G3BP1: variants seen among roughly 807,000 people sequenced by gnomAD.
The protein encoded by G3BP1 is G3BP stress granule assembly factor 1.
In G3BP1, 35 loss-of-function variants were observed where a neutral mutation model predicts 58.6. The ratio of observed to expected loss-of-function variants is 0.60; its 90% CI spans 0.46 to 0.79. The LOEUF is 0.79. Among genes scored for constraint, G3BP1 ranks in the 30% least tolerant of loss-of-function variants. The pLI, the probability that G3BP1 is intolerant of heterozygous loss-of-function variation, is 0.00. For synonymous variants in G3BP1, 191 were observed against 195.4 expected (o/e 0.98, Z 0.19); for missense variants, 523 against 580.8 (o/e 0.90, Z 1.02).
Position 151,804,101 on chromosome 5 carries a change from G to GATCTTCATGC in G3BP1, c.*12_*21dup. 6.4e-7 allele frequency: 1 copy of GATCTTCATGC among 1,568,834 alleles called. No individual in the cohort carries two copies. ...TGCGCCACGGCAGTGAATCTTCATG[G>GATCTTCATGC]ATCTTCATGCAGCCATACAAACCCT... On this transcript the variant is annotated 3_prime_UTR_variant, in exon 12 of 12. Coordinates refer to ENST00000356245, the MANE Select transcript of G3BP1 (RefSeq NM_005754.3).
intron 11 of G3BP1, among the ~76,000 whole-genome samples, chr5:151,802,015 C>G (rs994137667): frequency 1.3e-5 from 2 of 152,116 alleles, no homozygotes; most frequent in Admixed American, 6.5e-5. Context: ...TGGGGCTTCC[C>G]CATGTTAACC....
At chr5:151,797,466 T>A in intron 7 of G3BP1, 38 bp downstream of exon 7, 1 of 1,556,492 alleles carries the variant, frequency 6.4e-7, no homozygotes. Flanking sequence ...TATTCCTAGT[T>A]ATTTTTTTTA....
rs1422157510 is a variant in G3BP1 at position 151,790,898 on chromosome 5, A to G, written c.187A>G (p.Arg63Gly). The stretch of plus-strand genomic sequence containing the variant: ...TTATTATTTTTTTAAGGAAATCCAC[A>G]GGAAAGTGATGTCACAAAACTTCAC... The part of the protein sequence containing the change: ...DAVYGQKEIH[R>G]KVMSQNFTNC... The change falls in exon 4 of 12, where the codon AGG becomes GGG. Residue 63 changes from arginine to glycine, a missense_variant. By Grantham distance (125) the Arg-to-Gly change is moderately radical (BLOSUM62 -2). This residue lies in a region of G3BP1 where 398 missense variants were observed against 399.1 expected (regional missense o/e 1.00). Transcript: ENST00000356245. The G allele has an allele frequency of 6.3e-7, 1 of 1,576,106 alleles. No homozygotes were observed. Among genetic ancestry groups the G allele is most frequent in the Non-Finnish European group, 8.7e-7 (1 of 1,150,058 alleles).
At chr5:151,778,607 A>C (rs926388774) in intron 1 of G3BP1, among the ~76,000 whole-genome samples, 1 of 151,856 alleles carries the variant, frequency 6.6e-6, no homozygotes, top group Non-Finnish European at 1.5e-5. Flanking sequence ...ACACCCGGCT[A>C]ATTTTTGTAT....
intron 1 of G3BP1, among the ~76,000 whole-genome samples, chr5:151,776,578 A>T (rs1446757915): frequency 6.6e-6 from 1 of 151,162 alleles, no homozygotes; most frequent in Non-Finnish European, 1.5e-5. Context: ...GATTTTTTTT[A>T]TTTTCCTCAT....
intron 1 of G3BP1, among the ~76,000 whole-genome samples, chr5:151,777,129 C>T (rs573312870): frequency 6.6e-6 from 1 of 152,106 alleles, no homozygotes; most frequent in East Asian, 1.9e-4. Context: ...GACAGTAGGC[C>T]CAGTGATGTT....
chr5:151,797,409 C>T lies in G3BP1; in HGVS notation c.722C>T (p.Thr241Ile). Residue 241 changes from threonine (T) to isoleucine (I), a missense_variant, in exon 7 of 12, where the codon ACA (threonine) becomes ATA (isoleucine). By Grantham distance (89) the Thr-to-Ile change is moderately conservative. Transcript: ENST00000356245. Reference protein sequence around the residue: ...SSPAPADIAQTVQEDLRTFSW... With the variant: ...SSPAPADIAQIVQEDLRTFSW... Reference sequence around the variant, plus strand: ...CCAGCACCTGCAGACATAGCTCAGACAGTACAGGAAGACTTGAGGGTATGA... The same window carrying T: ...CCAGCACCTGCAGACATAGCTCAGATAGTACAGGAAGACTTGAGGGTATGA... 1 of 1,611,014 alleles carries T rather than the reference C, an allele frequency of 6.2e-7. No homozygotes were observed. The highest frequency in any genetic ancestry group is 1.7e-4 in the Middle Eastern group (1 of 6,042).
chr5:151,776,437 A>G (rs1388733452), intron 1 of G3BP1, among the ~76,000 whole-genome samples: 1 of 152,194 alleles, frequency 6.6e-6, no homozygotes, highest in African/African-American at 2.4e-5. Context: ...GAATTTGTGG[A>G]AGTATATTAA....
chr5:151,795,169 G>C (rs542943539), intron 5 of G3BP1, among the ~76,000 whole-genome samples: 1 of 152,140 alleles, frequency 6.6e-6, no homozygotes, highest in South Asian at 2.1e-4. Flanking sequence ...CTAGCTATTC[G>C]GGAGACTGAG....
intron 1 of G3BP1, among the ~76,000 whole-genome samples, chr5:151,774,723 A>C (rs192448836): frequency 4.9e-4 from 74 of 151,840 alleles, no homozygotes; most frequent in African/African-American, 1.7e-3. Flanking sequence ...GGTCAAAAAA[A>C]AAAAGGAAAG....
chr5:151,782,635 G>A (rs1762486405), intron 1 of G3BP1, among the ~76,000 whole-genome samples: 1 of 152,090 alleles, frequency 6.6e-6, no homozygotes, highest in Non-Finnish European at 1.5e-5. Flanking sequence ...AAAGGACTTA[G>A]TGTGCTGAGA....
At chr5:151,801,957 G>A (rs1169279407) in intron 11 of G3BP1, among the ~76,000 whole-genome samples, 1 of 151,956 alleles carries the variant, frequency 6.6e-6, no homozygotes, top group Admixed American at 6.6e-5. Context: ...TGGGATTACA[G>A]GCACCCGCCA....
chr5:151,793,192 T>TCCACCTC (rs750380326), intron 4 of G3BP1, among the ~76,000 whole-genome samples: 7 of 152,150 alleles, frequency 4.6e-5, no homozygotes, highest in Non-Finnish European at 7.4e-5. Flanking sequence ...TACTGCACCC[T>TCCACCTC]CCACCTCCCG....
At chr5:151,773,751 C>T (rs142516177) in intron 1 of G3BP1, among the ~76,000 whole-genome samples, 1 of 152,202 alleles carries the variant, frequency 6.6e-6, no homozygotes, top group Non-Finnish European at 1.5e-5. Context: ...GTTACTTGCC[C>T]TTACAGACTG....
At position 151,806,737 on chromosome 5, in the gene G3BP1, A is replaced by G. The variant is rs542856499; in HGVS notation, c.*2646A>G. 5.3e-5 allele frequency: 8 copies of G among 152,324 alleles called. No individual in the cohort carries two copies. Among genetic ancestry groups the G allele is most frequent in the African/African-American group, 1.9e-4 (8 of 41,578 alleles). 9.4% of individuals were successfully genotyped at this position (152,324 alleles called of 1,614,324 possible). ...AAAATGAAAATTTTCATCCGTAGGA[A>G]TGGCCCAATGTATAGTTATTAGCTA... is the stretch of plus-strand genomic sequence containing the variant. On this transcript the variant is annotated 3_prime_UTR_variant, in exon 12 of 12. Coordinates refer to ENST00000356245, the MANE Select transcript of G3BP1 (RefSeq NM_005754.3).
intron 1 of G3BP1, among the ~76,000 whole-genome samples, chr5:151,774,860 A>G (rs767923610): frequency 1.3e-5 from 2 of 152,130 alleles, no homozygotes; most frequent in Non-Finnish European, 2.9e-5. Flanking sequence ...ATTATCTTAC[A>G]TGTAGTTGGT....
chr5:151,791,145 C>T, intron 4 of G3BP1, 83 bp downstream of exon 4: 1 of 1,180,698 alleles, frequency 8.5e-7, no homozygotes, highest in Non-Finnish European at 1.3e-6. Flanking sequence ...TTTAAAAACA[C>T]TTGAAATTTC....
intron 10 of G3BP1, 24 bp from the exon 11 acceptor site, chr5:151,800,736 T>C (rs1375680532): frequency 2.2e-6 from 3 of 1,348,800 alleles, no homozygotes; most frequent in South Asian, 1.2e-5. Flanking sequence ...TAAGTAGTTA[T>C]CTGAGAATGT....
intron 1 of G3BP1, among the ~76,000 whole-genome samples, chr5:151,776,619 A>T (rs1762375488): frequency 6.6e-6 from 1 of 152,100 alleles, no homozygotes; most frequent in Non-Finnish European, 1.5e-5. Flanking sequence ...TCTGTGAGGA[A>T]GATTTGTGTA....
Sources: gnomAD v4.1 joint callset for allele counts (sites outside exome capture counted in the v4.1 genomes callset) on GRCh38, gnomAD v4.1.1 for gene constraint, gnomAD v4.1.1 regional missense constraint, MANE v1.5 for transcripts, NCBI Gene and HGNC (gene_info 2026-07-23, HGNC 2026-07-21) for gene names.